DOCK10: variants seen among roughly 807,000 people sequenced by gnomAD.
DOCK10 encodes dedicator of cytokinesis protein 10.
In DOCK10, 145 loss-of-function variants were observed where a neutral mutation model predicts 280.1. The ratio of observed to expected loss-of-function variants is 0.52; its 90% CI spans 0.45 to 0.59. DOCK10 has a LOEUF of 0.59. DOCK10 is among the 20% of genes least tolerant of loss of function. The pLI, the probability that DOCK10 is intolerant of heterozygous loss-of-function variation, is 0.00. For missense variants in DOCK10, 2,368 were observed against 2,651.7 expected, an observed-to-expected ratio of 0.89 and a Z score of 2.35; for synonymous variants, 915 against 942.2, an observed-to-expected ratio of 0.97 and a Z score of 0.53.
chr2:224,927,132 G>C (rs1050337068), intron 2 of DOCK10, among the ~76,000 whole-genome samples: 2 of 152,182 alleles, frequency 1.3e-5, no homozygotes, highest in Non-Finnish European at 2.9e-5. Context: ...ACTGAGTTGT[G>C]ACTGAAAAAT....
intron 27 of DOCK10, among the ~76,000 whole-genome samples, chr2:224,828,479 G>A (rs1024740378): frequency 6.6e-6 from 1 of 152,152 alleles, no homozygotes; most frequent in African/African-American, 2.4e-5. Flanking sequence ...GGATATACAG[G>A]AATGGACATT....
chr2:224,888,198 G>A (rs998367045), intron 4 of DOCK10, among the ~76,000 whole-genome samples: 2 of 151,208 alleles, frequency 1.3e-5, no homozygotes, highest in Non-Finnish European at 2.9e-5. Flanking sequence ...TAAAGAGAAT[G>A]TTTAATATAT....
chr2:224,803,854 T>C (rs1693178872), intron 39 of DOCK10, among the ~76,000 whole-genome samples: 1 of 152,160 alleles, frequency 6.6e-6, no homozygotes, highest in African/African-American at 2.4e-5. Context: ...GGGATTGTGC[T>C]CTAAGTGCAC....
intron 1 of DOCK10, among the ~76,000 whole-genome samples, chr2:225,000,032 G>GA (rs1706385769): frequency 6.6e-6 from 1 of 152,164 alleles, no homozygotes; most frequent in South Asian, 2.1e-4. Context: ...CCTTCAGTTT[G>GA]AAAATTACAG....
chr2:224,995,185 A>G (rs1444491709), intron 1 of DOCK10, among the ~76,000 whole-genome samples: 2 of 152,200 alleles, frequency 1.3e-5, no homozygotes, highest in Non-Finnish European at 2.9e-5. Flanking sequence ...TGAACAATCT[A>G]AGTTACTGGA....
At chr2:224,852,846 G>T in intron 17 of DOCK10, 89 bp downstream of exon 17, 1 of 1,151,302 alleles carries the variant, frequency 8.7e-7, no homozygotes, top group Non-Finnish European at 1.2e-6. Flanking sequence ...TTGCCCCATA[G>T]TAATTTGTAT....
At chr2:224,810,168 C>T (rs566403989) in intron 31 of DOCK10, among the ~76,000 whole-genome samples, 3 of 152,138 alleles carry the variant, frequency 2.0e-5, no homozygotes, top group Non-Finnish European at 2.9e-5. Context: ...TTGATAGGTA[C>T]GATGTACATT....
At chr2:224,806,343 G>T in intron 33 of DOCK10, 106 bp from the exon 34 acceptor site, 1 of 600,508 alleles carries the variant, frequency 1.7e-6, no homozygotes, top group Non-Finnish European at 2.8e-6. Flanking sequence ...TATTTAATTT[G>T]TTCTTTTATA....
chr2:224,828,728 TGTGA>T (rs1316556045), intron 27 of DOCK10, among the ~76,000 whole-genome samples: 3 of 152,136 alleles, frequency 2.0e-5, no homozygotes, highest in East Asian at 3.9e-4. Flanking sequence ...GCCAGGGGGC[TGTGA>T]GTATCATGAC....
intron 1 of DOCK10, among the ~76,000 whole-genome samples, chr2:225,024,554 CT>C (rs1689866853): frequency 6.6e-6 from 1 of 152,062 alleles, no homozygotes; most frequent in Non-Finnish European, 1.5e-5. Context: ...AATATGAATG[CT>C]TTTCAAAATA....
At chr2:224,774,835 T>A (rs1157554904) in intron 52 of DOCK10, 70 bp downstream of exon 52, 8 of 1,397,854 alleles carry the variant, frequency 5.7e-6, no homozygotes, top group Non-Finnish European at 5.0e-6. Context: ...TGATTCCTAC[T>A]GATCCAGCCC....
At chr2:224,898,967 A>G (rs976943820) in intron 3 of DOCK10, among the ~76,000 whole-genome samples, 8 of 152,220 alleles carry the variant, frequency 5.3e-5, no homozygotes, top group Non-Finnish European at 8.8e-5. Flanking sequence ...CATACAGGTC[A>G]ACAGTATCCA....
intron 27 of DOCK10, among the ~76,000 whole-genome samples, chr2:224,825,265 AC>A (rs141293492): frequency 1.2e-4 from 18 of 152,012 alleles, no homozygotes; most frequent in Non-Finnish European, 2.2e-4. Context: ...GGCTTGAGCC[AC>A]CCCGCCTGGC....
intron 1 of DOCK10, among the ~76,000 whole-genome samples, chr2:224,986,170 G>A (rs1453753969): frequency 6.6e-6 from 1 of 152,094 alleles, no homozygotes; most frequent in African/African-American, 2.4e-5. Flanking sequence ...CCTCTATAAG[G>A]CATCAAGTAC....
Position 224,852,381 on chromosome 2 carries a change from A to G in DOCK10, c.2138T>C (p.Leu713Pro). The change falls in exon 18 of 56, where the codon CTG becomes CCG. Residue 713 changes from leucine (L) to proline (P), a missense_variant. Physicochemically the swap from Leu to Pro is moderately conservative, Grantham distance 98 (BLOSUM62 -3). Around this residue, in one of 2 missense-constraint regions of DOCK10, gnomAD observed 1,209 missense variants for 1,250.9 expected, o/e 0.97. Coordinates refer to ENST00000258390, the MANE Select transcript of DOCK10 (RefSeq NM_014689.3). The part of the protein sequence containing the change: ...KNSDEESAKP[L>P]KCIYGKPGGP... ...CCCTTTGCTGACTTGGCTCACCTTC[A>G]GGGGCTTGGCACTTTCTTCATCTGA... 5.7e-6 allele frequency: 9 copies of G among 1,571,030 alleles called. No individual in the cohort carries two copies. The highest frequency in any genetic ancestry group is 7.8e-6 in the Non-Finnish European group (9 of 1,156,988).
At chr2:224,780,083 C>T (rs3768872) in intron 50 of DOCK10, among the ~76,000 whole-genome samples, 81,609 of 152,052 alleles carry the variant, frequency 0.54, 23,134 homozygotes, top group East Asian at 0.8. Flanking sequence ...AAATAGTCCA[C>T]GGCTTTAAAT....
chr2:224,765,624 G>A lies in DOCK10; in HGVS notation c.*97C>T. ...AGGTAAACAAAAATATTAACACCAT[G>A]AAAACTTCAAATAAATTAAACCTAT... On this transcript the variant is annotated 3_prime_UTR_variant, in exon 56 of 56. Transcript: ENST00000258390. 1 of 869,220 alleles carries A rather than the reference G, an allele frequency of 1.2e-6. No homozygotes were observed. The highest frequency in any genetic ancestry group is 1.7e-6 in the Non-Finnish European group (1 of 575,834). 53.8% of individuals were successfully genotyped at this position (869,220 alleles called of 1,614,324 possible). A position where few individuals can be genotyped will look rare whatever the true frequency, so the allele number is the denominator to read the frequency against.
chr2:224,965,724 C>T (rs900555158), intron 1 of DOCK10, among the ~76,000 whole-genome samples: 5 of 152,178 alleles, frequency 3.3e-5, no homozygotes, highest in Admixed American at 2.6e-4. Flanking sequence ...AACTGGCTTC[C>T]CTAAAACTTC....
intron 4 of DOCK10, among the ~76,000 whole-genome samples, chr2:224,894,894 A>T (rs969205168): frequency 6.3e-5 from 9 of 143,402 alleles, no homozygotes; most frequent in African/African-American, 2.6e-4. Context: ...AGATCATGCC[A>T]CACCCCTGGT....
Sources: gnomAD v4.1 joint callset for allele counts (sites outside exome capture counted in the v4.1 genomes callset) on GRCh38, gnomAD v4.1.1 for gene constraint, gnomAD v4.1.1 regional missense constraint, MANE v1.5 for transcripts, NCBI Gene and HGNC (gene_info 2026-07-23, HGNC 2026-07-21) for gene names.